Variants in SPATS2 observed in about 807,000 individuals in gnomAD.
SPATS2 encodes spermatogenesis associated serine rich 2.
Under a neutral mutation model 63.7 loss-of-function variants are expected in SPATS2, and 38 were observed. That is an observed-to-expected ratio of 0.60 (90% CI 0.46 to 0.78). The LOEUF (loss-of-function observed/expected upper bound fraction) is 0.78. SPATS2 is among the 30% of genes least tolerant of loss of function. The pLI, the probability that SPATS2 is intolerant of heterozygous loss-of-function variation, is 0.00. For synonymous variants in SPATS2, 207 were observed against 232.9 expected, an observed-to-expected ratio of 0.89 and a Z score of 1.01; for missense variants, 588 against 666.2, an observed-to-expected ratio of 0.88 and a Z score of 1.29.
chr12:49,514,114 G>A (rs983428228), intron 9 of SPATS2, among the ~76,000 whole-genome samples: 1 of 149,964 alleles, frequency 6.7e-6, no homozygotes, highest in Admixed American at 6.7e-5. Context: ...CCAAGATCGC[G>A]CCACTGCACT....
At chr12:49,476,580 G>A (rs565138968) in intron 3 of SPATS2, among the ~76,000 whole-genome samples, 3 of 152,156 alleles carry the variant, frequency 2.0e-5, no homozygotes, top group Non-Finnish European at 4.4e-5. Flanking sequence ...ACACCCACTG[G>A]GGCTTCAGCT....
intron 2 of SPATS2, among the ~76,000 whole-genome samples, chr12:49,439,027 C>T (rs1364779533): frequency 6.6e-6 from 1 of 152,024 alleles, no homozygotes; most frequent in Non-Finnish European, 1.5e-5. Flanking sequence ...TAGAAAAACA[C>T]AGGGTAAAGG....
intron 2 of SPATS2, among the ~76,000 whole-genome samples, chr12:49,421,502 C>T (rs1445073865): frequency 6.6e-6 from 1 of 150,624 alleles, no homozygotes; most frequent in Non-Finnish European, 1.5e-5. Context: ...GCTCAAAGAC[C>T]ATGAGGGATA....
At chr12:49,437,748 A>C (rs1464529431) in intron 2 of SPATS2, among the ~76,000 whole-genome samples, 1 of 151,548 alleles carries the variant, frequency 6.6e-6, no homozygotes, top group African/African-American at 2.4e-5. Context: ...AGAATCAGGC[A>C]GGGAGGTTGC....
At chr12:49,483,278 C>T (rs758099175) in intron 3 of SPATS2, among the ~76,000 whole-genome samples, 2 of 151,516 alleles carry the variant, frequency 1.3e-5, no homozygotes, top group African/African-American at 2.4e-5. Flanking sequence ...ATATCATTCC[C>T]ACTGCTCATT....
At chr12:49,406,154 C>CT (rs992933743) in intron 2 of SPATS2, among the ~76,000 whole-genome samples, 1 of 151,994 alleles carries the variant, frequency 6.6e-6, no homozygotes, top group African/African-American at 2.4e-5. Context: ...ATCCCAGCTA[C>CT]TTGGGAGGCT....
rs376422074 is a variant in SPATS2 at position 49,455,111 on chromosome 12, A to T, written c.-243-5659A>T. Among the ~76,000 whole-genome samples, 28 of 152,228 alleles carry T rather than the reference A, an allele frequency of 1.8e-4. No individual in the cohort carries two copies. In the East Asian group the frequency reaches 3.9e-3, roughly 21 times the overall value. On this transcript the variant is annotated intron_variant, in intron 2 of 13. Coordinates refer to ENST00000552918, the MANE Select transcript of SPATS2 (RefSeq NM_023071.4). The stretch of plus-strand genomic sequence containing the variant: ...TTGGTTTTGTTTTTTTAATTAAAAA[A>T]AATTTTAAAGTCTGGCTTGCTGAAG...
intron 9 of SPATS2, among the ~76,000 whole-genome samples, chr12:49,503,955 G>A (rs1345872025): frequency 6.6e-6 from 1 of 152,170 alleles, no homozygotes; most frequent in Admixed American, 6.5e-5. Flanking sequence ...TTAACTTGAG[G>A]AAAGAGATTA....
rs377521925 is a variant in SPATS2 at position 49,464,384 on chromosome 12, A to C, written c.25+3347A>C. 4.6e-4 allele frequency among the ~76,000 whole-genome samples: 70 copies of C among 151,282 alleles called. No individual in the cohort carries two copies. The South Asian group carries it at 0.012, about 26-fold the overall frequency. On this transcript the variant is annotated intron_variant, in intron 3 of 13. Coordinates refer to ENST00000552918, the MANE Select transcript of SPATS2 (RefSeq NM_023071.4). The stretch of plus-strand genomic sequence containing the variant: ...CCTGTAATCCCAGCACTTTGGGAGG[A>C]CAAGGTGGGCAGATCATCTGAGGTT...
intron 9 of SPATS2, among the ~76,000 whole-genome samples, chr12:49,509,732 G>A (rs531563834): frequency 2.2e-3 from 327 of 150,372 alleles, no homozygotes; most frequent in Non-Finnish European, 3.8e-3. Context: ...CACGAGAATC[G>A]CTTGAACCCT....
chr12:49,490,899 T>C (rs988295001), intron 6 of SPATS2, 168 bp downstream of exon 6: 5 of 593,266 alleles, frequency 8.4e-6, no homozygotes, highest in African/African-American at 5.6e-5. Flanking sequence ...CCCAGCACTT[T>C]AGGAGGCCAA....
At position 49,450,696 on chromosome 12, in the gene SPATS2, A is replaced by G. The variant is rs112936377; in HGVS notation, c.-243-10074A>G. ...GTAGCTGGCATTACAGGCATGCGTC[A>G]CCATGCCCAGCTAATTTTTGTATTT... On this transcript the variant is annotated intron_variant, in intron 2 of 13. Coordinates refer to ENST00000552918, the MANE Select transcript of SPATS2 (RefSeq NM_023071.4). Among the ~76,000 whole-genome samples the G allele has an allele frequency of 7.5e-3, 1,137 of 152,032 alleles. 10 individuals are homozygous for G. Among genetic ancestry groups the G allele is most frequent in the African/African-American group, 0.026 (1,070 of 41,432 alleles).
chr12:49,448,033 A>G (rs1188833530), intron 2 of SPATS2, among the ~76,000 whole-genome samples: 1 of 150,798 alleles, frequency 6.6e-6, no homozygotes, highest in African/African-American at 2.4e-5. Flanking sequence ...TAAATTGGAA[A>G]CTCAAGCTAT....
At chr12:49,469,524 C>T (rs942860229) in intron 3 of SPATS2, 59 of 403,708 alleles carry the variant, frequency 1.5e-4, no homozygotes, top group Non-Finnish European at 2.3e-4. Context: ...CCTGTCACTG[C>T]ACTATGGGCT....
intron 2 of SPATS2, among the ~76,000 whole-genome samples, chr12:49,377,043 CAGG>C (rs1176188848): frequency 6.6e-6 from 1 of 152,152 alleles, no homozygotes; most frequent in Non-Finnish European, 1.5e-5. Context: ...TATCAGCACA[CAGG>C]AGGTTTTCTT....
At chr12:49,516,708 ACT>A in intron 10 of SPATS2, among the ~76,000 whole-genome samples, 1 of 133,076 alleles carries the variant, frequency 7.5e-6, no homozygotes. Context: ...CCATCTCAAA[ACT>A]AAAAAAAAAA....
chr12:49,484,717 T>G (rs1946260370), intron 4 of SPATS2, 48 bp downstream of exon 4: 1 of 1,562,550 alleles, frequency 6.4e-7, no homozygotes, highest in African/African-American at 1.4e-5. Flanking sequence ...ATAGGAAAAT[T>G]TAGGTACTAA....
chr12:49,467,044 G>GTTTTTTTT lies in SPATS2; in HGVS notation c.25+6026_25+6033dup, dbSNP rs59350335. On this transcript the variant is annotated intron_variant, in intron 3 of 13. Transcript: ENST00000552918. ...TTTATTGTTAAATAATTTGTTCTTT[G>GTTTTTTTT]TTTTTTTTTTTTTTTTTTTTTTTTT... Among the ~76,000 whole-genome samples the GTTTTTTTT allele has an allele frequency of 5.1e-4, 39 of 75,774 alleles. 1 individual carries two copies. The highest frequency in any genetic ancestry group is 9.1e-4 in the South Asian group (2 of 2,198). The allele number at this position is 75,774 out of a possible 152,430, so 49.7% of individuals were successfully genotyped here.
chr12:49,437,328 G>A (rs1172706407), intron 2 of SPATS2, among the ~76,000 whole-genome samples: 1 of 150,106 alleles, frequency 6.7e-6, no homozygotes, highest in East Asian at 2.0e-4. Context: ...GGGCAGAGAC[G>A]CTCCTCACTT....
Sources: gnomAD v4.1 joint callset for allele counts (sites outside exome capture counted in the v4.1 genomes callset) on GRCh38, gnomAD v4.1.1 for gene constraint, MANE v1.5 for transcripts, NCBI Gene and HGNC (gene_info 2026-07-23, HGNC 2026-07-21) for gene names.